The following LAMB4 variants were observed in gnomAD, a reference collection of about 807,000 sequenced individuals.
The protein encoded by LAMB4 is laminin subunit beta 4.
In LAMB4, 196 loss-of-function variants were observed where a neutral mutation model predicts 199.2. The ratio of observed to expected loss-of-function variants is 0.98; its 90% CI spans 0.88 to 1.11. The LOEUF (loss-of-function observed/expected upper bound fraction) is 1.11. Ranked by LOEUF, LAMB4 falls within the 50% of genes least tolerant of loss-of-function variation. The probability of loss-of-function intolerance (pLI) is 0.00; values close to 1 mark genes in which losing one functional copy is unlikely to be tolerated. For missense variants in LAMB4, 2,080 were observed against 2,171.2 expected, an observed-to-expected ratio of 0.96 and a Z score of 0.83; for synonymous variants, 744 against 770.6, an observed-to-expected ratio of 0.97 and a Z score of 0.57.
At chr7:108,023,057 G>T (rs1007786686), downstream of LAMB4, among the ~76,000 whole-genome samples, 1 of 152,026 alleles carries the variant, frequency 6.6e-6, no homozygotes, top group Admixed American at 6.6e-5. Context: ...CAGATGATCC[G>T]CCTTCCTTGG....
At chr7:108,039,034 G>A (rs1563037020) in intron 29 of LAMB4, among the ~76,000 whole-genome samples, 1 of 152,198 alleles carries the variant, frequency 6.6e-6, no homozygotes, top group Non-Finnish European at 1.5e-5. Context: ...CTAGACCTGG[G>A]AGGACAGCAG....
intron 15 of LAMB4, 144 bp downstream of exon 15, chr7:108,079,457 C>T (rs1294487081): frequency 2.3e-5 from 15 of 649,970 alleles, no homozygotes; most frequent in Non-Finnish European, 3.7e-5. Flanking sequence ...CTTTAGGAAA[C>T]CCTTGGTTTA....
At chr7:108,116,820 G>A (rs564374371) in intron 2 of LAMB4, among the ~76,000 whole-genome samples, 14 of 152,228 alleles carry the variant, frequency 9.2e-5, no homozygotes, top group African/African-American at 3.1e-4. Context: ...AGTGCGTGAG[G>A]CCAGGAGCTC....
rs763904381 is a variant in LAMB4, at chr7:108,105,931, G to A, written c.756C>T (p.Tyr252=). 1.2e-6 allele frequency: 2 copies of A among 1,614,156 alleles called. No individual in the cohort carries two copies. Among genetic ancestry groups the A allele is most frequent in the Non-Finnish European group, 1.7e-6 (2 of 1,179,970 alleles). Residue 252 remains tyrosine (Y), a synonymous_variant, in exon 8 of 34, where the codon TAC becomes TAT. Coordinates refer to ENST00000388781, the MANE Select transcript of LAMB4 (RefSeq NM_007356.3). ...CAATCATCTCGTACAGAGCATAGTA[G>A]TATTTATCAAGGGAATCATTTTGCC... ...GRRQNDSLDK[Y]YYALYEMIVR...
In LAMB4 at chr7:108,024,104, G is replaced by T; in HGVS notation, c.5221C>A (p.Gln1741Lys). 6.2e-7 allele frequency: 1 copy of T among 1,603,852 alleles called. No homozygotes were observed. The highest frequency in any genetic ancestry group is 8.5e-7 in the Non-Finnish European group (1 of 1,173,080). Residue 1741 changes from glutamine to lysine, a missense_variant, in exon 34 of 34, where the codon CAA becomes AAA. Gln to Lys is a moderately conservative substitution (Grantham distance 53, BLOSUM62 1). Coordinates refer to ENST00000388781, the MANE Select transcript of LAMB4 (RefSeq NM_007356.3). ...KADQLRILED[Q>K]VVAIKNEIVE... The stretch of plus-strand genomic sequence containing the variant: ...ATTTCATTTTTAATGGCAACAACTT[G>T]ATCTTCCAATATTCTCAGTTGATCA...
At chr7:108,096,951 A>T (rs1420958207) in intron 11 of LAMB4, among the ~76,000 whole-genome samples, 2 of 128,912 alleles carry the variant, frequency 1.6e-5, no homozygotes, top group Non-Finnish European at 3.3e-5. Context: ...AAAAAAAAAA[A>T]AAAAAAAAAA....
At chr7:108,018,783 A>C (rs2034634527), downstream of LAMB4, among the ~76,000 whole-genome samples, 1 of 152,120 alleles carries the variant, frequency 6.6e-6, no homozygotes, top group African/African-American at 2.4e-5. Flanking sequence ...TTTACCCCTC[A>C]AACCAAGGGT....
At chr7:108,019,796 C>G (rs1182126661), downstream of LAMB4, among the ~76,000 whole-genome samples, 3 of 152,136 alleles carry the variant, frequency 2.0e-5, no homozygotes, top group Non-Finnish European at 2.9e-5. Flanking sequence ...CTCATGTGTT[C>G]TTGCCAGGGT....
intron 1 of LAMB4, among the ~76,000 whole-genome samples, chr7:108,124,015 T>C (rs1394213351): frequency 6.6e-6 from 1 of 152,010 alleles, no homozygotes; most frequent in African/African-American, 2.4e-5. Context: ...TGTAATGGTT[T>C]TTTTTTTTCC....
rs1178892859 is a variant in LAMB4, at chr7:108,103,232, G to A, written c.992C>T (p.Ser331Leu). The A allele has an allele frequency of 1.9e-6, 3 of 1,548,764 alleles. No homozygotes were observed. The highest frequency in any genetic ancestry group is 2.6e-6 in the Non-Finnish European group (3 of 1,145,154). Residue 331 changes from serine to leucine, a missense_variant and splice_region_variant, in exon 10 of 34, where the codon TCG (serine) becomes TTG (leucine). Coordinates refer to ENST00000388781, the MANE Select transcript of LAMB4 (RefSeq NM_007356.3). ...GCTGGAGTGGCTATTACAGCTGCAC[G>A]CTGAAAGGAGAAGACAGTGACTGAG... ...AADLQDNACR[S>L]CSCNSHSSRC...
chr7:108,047,093 T>C (rs1160854756), intron 28 of LAMB4, among the ~76,000 whole-genome samples: 1 of 151,810 alleles, frequency 6.6e-6, no homozygotes, highest in Admixed American at 6.6e-5. Context: ...ATGCTTGGAG[T>C]CTTGACATTT....
At chr7:108,037,869 T>C (rs2035285179) in intron 29 of LAMB4, among the ~76,000 whole-genome samples, 2 of 152,224 alleles carry the variant, frequency 1.3e-5, no homozygotes, top group African/African-American at 4.8e-5. Flanking sequence ...ATTGTGTGTA[T>C]TCTACAAAAT....
At chr7:108,068,237 C>A in intron 18 of LAMB4, 78 bp from the exon 19 acceptor site, 1 of 1,459,206 alleles carries the variant, frequency 6.9e-7, no homozygotes, top group South Asian at 1.2e-5. Flanking sequence ...AGCTATAGTT[C>A]ACCTCTCTCT....
intron 3 of LAMB4, among the ~76,000 whole-genome samples, chr7:108,114,323 C>T (rs548906143): frequency 7.6e-4 from 115 of 152,186 alleles, no homozygotes; most frequent in African/African-American, 2.6e-3. Flanking sequence ...GGAGTAGCCT[C>T]CCCTACTTGG....
intron 1 of LAMB4, among the ~76,000 whole-genome samples, chr7:108,129,258 A>C (rs1343258595): frequency 6.6e-6 from 1 of 152,088 alleles, no homozygotes; most frequent in East Asian, 1.9e-4. Context: ...CGCAGGAAAG[A>C]CATGCATTCC....
intron 5 of LAMB4, among the ~76,000 whole-genome samples, chr7:108,108,298 A>T (rs976237732): frequency 3.3e-5 from 5 of 152,182 alleles, no homozygotes; most frequent in Admixed American, 6.5e-5. Flanking sequence ...ATGAGTACAC[A>T]CTTTGTCCTC....
In LAMB4 at chr7:108,105,816, C is replaced by T; in HGVS notation, c.870+1G>A. 8 of 1,613,816 alleles carry T rather than the reference C, an allele frequency of 5.0e-6. No homozygotes were observed. Among genetic ancestry groups the T allele is most frequent in the South Asian group, 1.1e-5 (1 of 91,078 alleles). On this transcript the variant is annotated splice_donor_variant, in intron 8 of 33. Transcript: ENST00000388781. LOFTEE classifies it high-confidence loss of function. ...ACTGTTCTTTTGGATTAATAACTCA[C>T]CATTCCAGGAGGGCTGAAAACATCT...
chr7:108,122,656 A>G (rs927858281), intron 2 of LAMB4, among the ~76,000 whole-genome samples: 1 of 152,206 alleles, frequency 6.6e-6, no homozygotes, highest in Admixed American at 6.5e-5. Flanking sequence ...ATTGTTGGAA[A>G]CATCTTCTCT....
At position 108,078,301 on chromosome 7, in the gene LAMB4, T is replaced by C; in HGVS notation, c.1903A>G (p.Thr635Ala). ...HYETQSAADW[T>A]VQIVVNPPGG... ...GGGGGGTTCACCACAATCTGGACAG[T>C]CCAGTCAGCTGCAGACTAGACAGGC... The change falls in exon 16 of 34, where the codon ACT becomes GCT. Residue 635 changes from threonine (T) to alanine (A), a missense_variant. Thr to Ala is a moderately conservative substitution (Grantham distance 58, BLOSUM62 0). Coordinates refer to ENST00000388781, the MANE Select transcript of LAMB4 (RefSeq NM_007356.3). 6.2e-7 allele frequency: 1 copy of C among 1,603,722 alleles called. No homozygotes were observed.
Sources: allele counts gnomAD v4.1 joint callset (sites outside exome capture counted in the v4.1 genomes callset), GRCh38; gene constraint gnomAD v4.1.1; transcripts MANE v1.5; gene names NCBI Gene and HGNC (gene_info 2026-07-23, HGNC 2026-07-21).